Variants in PDE6C observed in about 807,000 individuals in gnomAD.
PDE6C encodes phosphodiesterase 6C.
PDE6C carries 75 observed loss-of-function variants against 113.1 expected under a neutral mutation model. The ratio of observed to expected loss-of-function variants is 0.66; its 90% CI spans 0.55 to 0.80. The LOEUF is 0.80. Ranked by LOEUF, PDE6C falls within the 30% of genes least tolerant of loss-of-function variation. PDE6C has a pLI of 0.00. For synonymous variants in PDE6C, 375 were observed against 363.7 expected (o/e 1.03, Z -0.35); for missense variants, 912 against 1,038.6 (o/e 0.88, Z 1.67).
At chr10:93,661,343 T>C (rs557108007) in intron 18 of PDE6C, among the ~76,000 whole-genome samples, 73 of 152,320 alleles carry the variant, frequency 4.8e-4, no homozygotes, top group African/African-American at 1.6e-3. Context: ...CCTCCTCTTT[T>C]CCTGGAAAAT....
intron 14 of PDE6C, among the ~76,000 whole-genome samples, chr10:93,641,637 C>G (rs1317589084): frequency 2.0e-5 from 3 of 152,064 alleles, no homozygotes; most frequent in Non-Finnish European, 4.4e-5. Context: ...AAGAGAGACT[C>G]TGTCTCGAAA....
At chr10:93,640,857 T>C (rs2058556150) in intron 13 of PDE6C, 63 bp from the exon 14 acceptor site, 1 of 1,072,894 alleles carries the variant, frequency 9.3e-7, no homozygotes, top group South Asian at 1.3e-5. Context: ...CAGGCTGCAC[T>C]TGGTATAGAG....
chr10:93,661,560 A>G (rs2058666000), intron 18 of PDE6C, among the ~76,000 whole-genome samples: 1 of 152,208 alleles, frequency 6.6e-6, no homozygotes, highest in South Asian at 2.1e-4. Flanking sequence ...GCTCATGCCA[A>G]TGTAAAGGCA....
chr10:93,614,074 G>A (rs551548699), intron 1 of PDE6C, among the ~76,000 whole-genome samples: 3 of 152,268 alleles, frequency 2.0e-5, no homozygotes, highest in East Asian at 3.9e-4. Flanking sequence ...AAGGGTACCA[G>A]CTTGGAGATT....
intron 4 of PDE6C, among the ~76,000 whole-genome samples, chr10:93,622,787 C>G (rs1258452108): frequency 6.6e-6 from 1 of 151,754 alleles, no homozygotes; most frequent in Non-Finnish European, 1.5e-5. Context: ...TAAGTTTCCT[C>G]CATGTCTTTT....
intron 1 of PDE6C, among the ~76,000 whole-genome samples, chr10:93,616,431 A>C (rs2058419902): frequency 6.6e-6 from 1 of 152,212 alleles, no homozygotes; most frequent in Non-Finnish European, 1.5e-5. Context: ...CATGTCTGTG[A>C]CGTAGTAACT....
intron 1 of PDE6C, among the ~76,000 whole-genome samples, chr10:93,617,311 A>C (rs566305763): frequency 2.6e-4 from 39 of 152,264 alleles, no homozygotes; most frequent in African/African-American, 9.1e-4. Context: ...CTGTAACTTA[A>C]TGGCTGGTTT....
intron 18 of PDE6C, 38 bp from the exon 19 acceptor site, chr10:93,662,021 T>G: frequency 7.9e-7 from 1 of 1,263,544 alleles, no homozygotes; most frequent in East Asian, 2.3e-5. Context: ...TCTCTATTCA[T>G]AAGTGGATTT....
In PDE6C at chr10:93,640,438, ATCT is replaced by A. The variant is rs2058553710; in HGVS notation, c.1630-7_1630-5del. The A allele has an allele frequency of 3.2e-6, 5 of 1,583,260 alleles. No individual in the cohort carries two copies. In the East Asian group the frequency reaches 1.1e-4, roughly 35 times the overall value. On this transcript the variant is annotated splice_polypyrimidine_tract_variant and intron_variant, in intron 12 of 21. Coordinates refer to ENST00000371447, the MANE Select transcript of PDE6C (RefSeq NM_006204.4). ...TCTATTCCAAAGTCTGAATGGTGTC[ATCT>A]TCTTTTAGGTTCTTACCAGATGGAT...
intron 1 of PDE6C, among the ~76,000 whole-genome samples, chr10:93,614,827 T>A (rs529895766): frequency 6.6e-6 from 1 of 152,014 alleles, no homozygotes; most frequent in African/African-American, 2.4e-5. Context: ...GAGTCTCTCC[T>A]CTCTTCTCTG....
intron 15 of PDE6C, among the ~76,000 whole-genome samples, chr10:93,651,317 C>G (rs930324328): frequency 2.0e-5 from 3 of 152,162 alleles, no homozygotes; most frequent in Non-Finnish European, 4.4e-5. Context: ...AAGCTACTAC[C>G]TGAGACTGGG....
intron 8 of PDE6C, among the ~76,000 whole-genome samples, chr10:93,630,938 G>A (rs753109668): frequency 2.6e-5 from 4 of 152,190 alleles, no homozygotes; most frequent in Admixed American, 1.3e-4. Context: ...TTTATGGCAC[G>A]TGGATGTCAG....
At chr10:93,633,204 G>T (rs781041018) in intron 8 of PDE6C, among the ~76,000 whole-genome samples, 5 of 152,090 alleles carry the variant, frequency 3.3e-5, no homozygotes, top group Non-Finnish European at 5.9e-5. Context: ...AGTGACTCAC[G>T]CCTGTAATCC....
At chr10:93,627,259 A>AAG (rs1491175128) in intron 7 of PDE6C, among the ~76,000 whole-genome samples, 3 of 53,838 alleles carry the variant, frequency 5.6e-5, no homozygotes, top group African/African-American at 2.1e-4. Context: ...GAAACTCCAC[A>AAG]AAAAAAAAAA....
chr10:93,633,720 G>A (rs1166845010), intron 8 of PDE6C, among the ~76,000 whole-genome samples: 1 of 152,116 alleles, frequency 6.6e-6, no homozygotes, highest in African/African-American at 2.4e-5. Context: ...TATCTTCATG[G>A]ATCAGTCAGA....
chr10:93,615,492 C>T (rs1016802454), intron 1 of PDE6C, among the ~76,000 whole-genome samples: 1 of 152,184 alleles, frequency 6.6e-6, no homozygotes, highest in African/African-American at 2.4e-5. Context: ...AGCAATTATC[C>T]TGCCTCAGCA....
In PDE6C at chr10:93,634,764, C is replaced by A; in HGVS notation, c.1126C>A (p.Pro376Thr). ...GGTCCCTTCTCGTTTGTAGAAAGGA[C>A]CTGTAGACGAAACTGGTTGGGTCAT... ...ADEYFTFQKGPVDETGWVIKN... is the reference protein window; with the variant it reads ...ADEYFTFQKGTVDETGWVIKN... Residue 376 changes from proline (P) to threonine (T), a missense_variant, in exon 9 of 22, where the codon CCT (proline) becomes ACT (threonine). Coordinates refer to ENST00000371447, the MANE Select transcript of PDE6C (RefSeq NM_006204.4). 6.2e-7 allele frequency: 1 copy of A among 1,613,998 alleles called. No homozygotes were observed. The highest frequency in any genetic ancestry group is 8.5e-7 in the Non-Finnish European group (1 of 1,179,972).
intron 21 of PDE6C, among the ~76,000 whole-genome samples, chr10:93,665,030 A>G (rs1012659426): frequency 1.3e-5 from 2 of 152,048 alleles, no homozygotes; most frequent in African/African-American, 4.8e-5. Context: ...CACCACACTC[A>G]GCTAATTTTT....
chr10:93,641,435 A>G lies in PDE6C; in HGVS notation c.1847+406A>G, dbSNP rs1377396310. Among the ~76,000 whole-genome samples, 4 of 152,168 alleles carry G rather than the reference A, an allele frequency of 2.6e-5. No individual in the cohort carries two copies. The South Asian group carries it at 8.3e-4, about 32-fold the overall frequency. Reference sequence around the variant, plus strand: ...ATCAAGTGAGGTCAGTTCAAGACCAACCTGGCCAACATGGTGAAACCCTGT... The same window carrying G: ...ATCAAGTGAGGTCAGTTCAAGACCAGCCTGGCCAACATGGTGAAACCCTGT... On this transcript the variant is annotated intron_variant, in intron 14 of 21. Transcript: ENST00000371447.
Sources: allele counts gnomAD v4.1 joint callset (sites outside exome capture counted in the v4.1 genomes callset), GRCh38; gene constraint gnomAD v4.1.1; transcripts MANE v1.5; gene names NCBI Gene and HGNC (gene_info 2026-07-23, HGNC 2026-07-21).